Variants in DCHS2 observed in about 807,000 individuals in gnomAD.
DCHS2 encodes the protein dachsous cadherin-related 2.
A neutral mutation model predicts 182.4 loss-of-function variants in DCHS2; 142 were observed. That is an observed-to-expected ratio of 0.78 (90% confidence interval 0.68 to 0.89). DCHS2 has a LOEUF of 0.89. Among genes scored for constraint, DCHS2 ranks in the 40% least tolerant of loss-of-function variants. DCHS2 has a pLI of 0.00. For synonymous variants in DCHS2, 1,740 were observed against 1,663.3 expected (o/e 1.05, Z -1.12); for missense variants, 4,319 against 4,198.6 (o/e 1.03, Z -0.79).
chr4:154,364,193 G>T (rs1477662939), intron 3 of DCHS2, among the ~76,000 whole-genome samples: 1 of 152,176 alleles, frequency 6.6e-6, no homozygotes, highest in South Asian at 2.1e-4. Context: ...ATTAACAATG[G>T]CATTTGTGCT....
At chr4:154,350,589 G>A (rs928574383) in intron 3 of DCHS2, among the ~76,000 whole-genome samples, 1 of 151,968 alleles carries the variant, frequency 6.6e-6, no homozygotes, top group African/African-American at 2.4e-5. Context: ...CTGCTACTTG[G>A]TATCTTCTAC....
chr4:154,290,391 C>T (rs564980135), intron 13 of DCHS2, among the ~76,000 whole-genome samples: 54 of 152,134 alleles, frequency 3.5e-4, no homozygotes, highest in African/African-American at 1.3e-3. Context: ...AGATTCAATG[C>T]AATCCCTACT....
intron 10 of DCHS2, among the ~76,000 whole-genome samples, chr4:154,310,431 GTCT>G (rs1735626525): frequency 6.6e-6 from 1 of 152,258 alleles, no homozygotes; most frequent in East Asian, 1.9e-4. Context: ...GAGACATTAG[GTCT>G]TCTTTTGAAT....
At position 154,235,463 on chromosome 4, in the gene DCHS2, G is replaced by A. The variant is rs761139903; in HGVS notation, c.9189C>T (p.Val3063=). Residue 3063 remains valine, a synonymous_variant, in exon 20 of 20, where the codon GTC becomes GTT. Coordinates refer to ENST00000357232, the MANE Select transcript of DCHS2 (RefSeq NM_001358235.2). The part of the protein sequence containing the change: ...QKTDDCSNEV[V]PVDATPEWLS... ...ACCATTCCGGAGTGGCATCCACAGGGACCACCTCGTTACTGCAGTCGTCAG... is the reference window on the plus strand; with the variant it reads ...ACCATTCCGGAGTGGCATCCACAGGAACCACCTCGTTACTGCAGTCGTCAG... The A allele has an allele frequency of 4.3e-6, 7 of 1,613,900 alleles. No homozygotes were observed. The highest frequency in any genetic ancestry group is 5.9e-6 in the Non-Finnish European group (7 of 1,179,972).
chr4:154,299,377 A>C (rs1333437098), intron 12 of DCHS2, among the ~76,000 whole-genome samples: 6 of 152,238 alleles, frequency 3.9e-5, no homozygotes, highest in African/African-American at 1.4e-4. Context: ...CCATCGTATC[A>C]AGTAGAATAA....
intron 1 of DCHS2, among the ~76,000 whole-genome samples, chr4:154,413,748 C>T (rs1336705071): frequency 6.6e-6 from 1 of 152,168 alleles, no homozygotes; most frequent in Non-Finnish European, 1.5e-5. Flanking sequence ...AGATGGCCCT[C>T]CTTACCTGGC....
Position 154,490,104 on chromosome 4 carries a change from G to C in DCHS2, c.1252C>G (p.Leu418Val), listed in dbSNP as rs1387875711. 1 of 1,549,300 alleles carries C rather than the reference G, an allele frequency of 6.5e-7. No homozygotes were observed. Among genetic ancestry groups the C allele is most frequent in the Admixed American group, 2.0e-5 (1 of 50,930 alleles). ...DNRPAIHVLF[L>V]TEGGVARVSE... is the part of the protein sequence containing the mutation. Reference sequence around the variant, plus strand: ...ACACGGGCGACGCCTCCCTCTGTGAGAAAGAGCACGTGAATTGCTGGCCGG... The same window carrying C: ...ACACGGGCGACGCCTCCCTCTGTGACAAAGAGCACGTGAATTGCTGGCCGG... Residue 418 changes from leucine to valine, a missense_variant, in exon 1 of 20, where the codon CTC becomes GTC. Physicochemically the swap from Leu to Val is conservative, Grantham distance 32. Coordinates refer to ENST00000357232, the MANE Select transcript of DCHS2 (RefSeq NM_001358235.2).
intron 1 of DCHS2, among the ~76,000 whole-genome samples, chr4:154,409,108 G>C (rs2110887671): frequency 6.6e-6 from 1 of 152,286 alleles, no homozygotes; most frequent in Admixed American, 6.5e-5. Flanking sequence ...CCGAGCATTG[G>C]CTGAGCTCAG....
intron 1 of DCHS2, among the ~76,000 whole-genome samples, chr4:154,436,744 T>C (rs1268435166): frequency 2.0e-5 from 3 of 152,222 alleles, no homozygotes; most frequent in Non-Finnish European, 4.4e-5. Context: ...TGGTTCAATA[T>C]GGTAGCTAGT....
In DCHS2 at chr4:154,252,988, T is replaced by C. The variant is rs187428125; in HGVS notation, c.6941+2531A>G. Among the ~76,000 whole-genome samples the C allele has an allele frequency of 2.3e-3, 356 of 151,824 alleles. 1 individual carries two copies. The highest frequency in any genetic ancestry group is 0.014 in the Middle Eastern group (4 of 292). On this transcript the variant is annotated intron_variant, in intron 16 of 19. Transcript: ENST00000357232. The stretch of plus-strand genomic sequence containing the variant: ...GCTAAATGAGACTGTTTCCAGAACA[T>C]TCACTAAAGGTGTAGCAGACTAGGG...
Position 154,491,615 on chromosome 4 carries a change from A to T in DCHS2, c.-260T>A. The T allele has an allele frequency of 7.6e-7, 1 of 1,320,188 alleles. No homozygotes were observed. The highest frequency in any genetic ancestry group is 9.6e-7 in the Non-Finnish European group (1 of 1,041,176). 81.8% of individuals were successfully genotyped at this position (1,320,188 alleles called of 1,614,324 possible). ...CCTCTTCTGCCCCTGGATTTCTTTA[A>T]ACGAATCTCATCTCTTTTTCTCTCT... is the stretch of plus-strand genomic sequence containing the variant. On this transcript the variant is annotated 5_prime_UTR_variant, in exon 1 of 20. Coordinates refer to ENST00000357232, the MANE Select transcript of DCHS2 (RefSeq NM_001358235.2).
chr4:154,359,872 G>A (rs1730037720), intron 3 of DCHS2, among the ~76,000 whole-genome samples: 1 of 152,006 alleles, frequency 6.6e-6, no homozygotes, highest in Admixed American at 6.6e-5. Context: ...AGATAATTTG[G>A]TGTTTAGGTA....
chr4:154,461,850 A>G (rs942842822), intron 1 of DCHS2, among the ~76,000 whole-genome samples: 7 of 152,190 alleles, frequency 4.6e-5, no homozygotes, highest in Admixed American at 1.3e-4. Flanking sequence ...TCCAAGGGAT[A>G]GGTGAGGAGG....
intron 1 of DCHS2, among the ~76,000 whole-genome samples, chr4:154,409,282 C>T (rs1376161591): frequency 6.6e-6 from 1 of 152,122 alleles, no homozygotes; most frequent in Admixed American, 6.5e-5. Context: ...CTTGCTGCTG[C>T]CATACTTGAC....
At chr4:154,453,511 A>C (rs75846119) in intron 1 of DCHS2, among the ~76,000 whole-genome samples, 5,652 of 152,124 alleles carry the variant, frequency 0.037, 362 homozygotes, top group African/African-American at 0.13. Context: ...CCTATCCCCA[A>C]GCCTCTCCTC....
At position 154,259,629 on chromosome 4, in the gene DCHS2, C is replaced by T; in HGVS notation, c.6705G>A (p.Glu2235=). ...YCKVAVLIQD[E]NDNSPCFEQS... is the part of the protein sequence containing the mutation. ...GTTCAAAGCATGGTGAATTATCATT[C>T]TCATCCTGTATCAAGACTGCTACTT... The change falls in exon 15 of 20, where the codon GAG becomes GAA. Residue 2235 remains glutamate (E), a synonymous_variant. Coordinates refer to ENST00000357232, the MANE Select transcript of DCHS2 (RefSeq NM_001358235.2). 1.9e-6 allele frequency: 3 copies of T among 1,614,022 alleles called. No homozygotes were observed. Among genetic ancestry groups the T allele is most frequent in the Non-Finnish European group, 2.5e-6 (3 of 1,180,016 alleles).
At chr4:154,391,201 C>G (rs1409890530) in intron 1 of DCHS2, 1 of 1,613,674 alleles carries the variant, frequency 6.2e-7, no homozygotes, top group East Asian at 2.2e-5. Context: ...TTCACATACA[C>G]CTCATATACA....
chr4:154,442,541 CCA>C (rs70947167), intron 1 of DCHS2, among the ~76,000 whole-genome samples: 568 of 50,106 alleles, frequency 0.011, 17 homozygotes, highest in East Asian at 0.037. Flanking sequence ...CCCCCCCCCC[CCA>C]CACACACACA....
At chr4:154,388,388 A>G (rs752264585) in intron 1 of DCHS2, among the ~76,000 whole-genome samples, 1 of 152,184 alleles carries the variant, frequency 6.6e-6, no homozygotes, top group Non-Finnish European at 1.5e-5. Context: ...GTATACAATT[A>G]AAAACTGAAA....
Sources: gnomAD v4.1 joint callset for allele counts (sites outside exome capture counted in the v4.1 genomes callset) on GRCh38, gnomAD v4.1.1 for gene constraint, MANE v1.5 for transcripts, NCBI Gene and HGNC (gene_info 2026-07-23, HGNC 2026-07-21) for gene names.